Variants in IRAK3 observed in about 807,000 individuals in gnomAD.
IRAK3 encodes the protein interleukin 1 receptor associated kinase 3.
A neutral mutation model predicts 56.6 loss-of-function variants in IRAK3; 57 were observed. That is an observed-to-expected ratio of 1.01 (90% confidence interval 0.81 to 1.26). The LOEUF (loss-of-function observed/expected upper bound fraction) is 1.26, where lower values mean the gene tolerates loss of function less well. Among genes scored for constraint, IRAK3 ranks in the 50% most tolerant of loss-of-function variants. The pLI is 0.00. For missense variants in IRAK3, 703 were observed against 719.0 expected (o/e 0.98, Z 0.25); for synonymous variants, 258 against 255.7 (o/e 1.01, Z -0.09).
rs1302247491 is a variant in IRAK3 at position 66,248,030 on chromosome 12, AT to A, written c.1651del (p.Ser551ProfsTer4). 1 of 1,588,046 alleles carries A rather than the reference AT, an allele frequency of 6.3e-7. No individual in the cohort carries two copies. Among genetic ancestry groups the A allele is most frequent in the African/African-American group, 1.4e-5 (1 of 73,504 alleles). ...ESWFPKYIVP[S>X]QDLRPYKVNI... ...GTTGGTTCCCAAAGTATATAGTTCC[AT>A]CCCAGGACTTAAGGCCCTATAAGGT... is the stretch of plus-strand genomic sequence containing the variant. On this transcript the variant is annotated frameshift_variant, in exon 12 of 12. Transcript: ENST00000261233. LOFTEE classifies it low-confidence loss of function (END_TRUNC).
intron 1 of IRAK3, among the ~76,000 whole-genome samples, chr12:66,195,269 G>A (rs960015866): frequency 6.6e-5 from 10 of 152,206 alleles, no homozygotes; most frequent in Middle Eastern, 3.4e-3. Flanking sequence ...CACTGCCACC[G>A]TAACCATCTT....
rs773418206 is a variant in IRAK3, at chr12:66,244,509, A to G, written c.911A>G (p.Gln304Arg). ...ISSANILLDD[Q>R]FQPKLTDFAM... is the part of the protein sequence containing the mutation. ...AGTGCAAACATCCTTTTGGATGATC[A>G]GTTTCAACCCAAACTAACTGATTTT... is the stretch of plus-strand genomic sequence containing the variant. The change falls in exon 9 of 12, where the codon CAG (glutamine) becomes CGG (arginine). Residue 304 changes from glutamine to arginine, a missense_variant. Transcript: ENST00000261233. 6.2e-7 allele frequency: 1 copy of G among 1,614,134 alleles called. No homozygotes were observed. The highest frequency in any genetic ancestry group is 8.5e-7 in the Non-Finnish European group (1 of 1,179,964).
chr12:66,199,520 C>A (rs1278380824), intron 1 of IRAK3, among the ~76,000 whole-genome samples: 1 of 152,160 alleles, frequency 6.6e-6, no homozygotes, highest in Non-Finnish European at 1.5e-5. Context: ...TCCAATACTT[C>A]TTTAAGAATT....
chr12:66,204,791 C>G (rs1220664300), intron 2 of IRAK3, among the ~76,000 whole-genome samples: 4 of 144,444 alleles, frequency 2.8e-5, no homozygotes, highest in African/African-American at 1.1e-4. Context: ...CACACACACA[C>G]ACACACACAC....
chr12:66,221,307 G>T (rs575187843), intron 6 of IRAK3, among the ~76,000 whole-genome samples: 1 of 152,168 alleles, frequency 6.6e-6, no homozygotes, highest in Non-Finnish European at 1.5e-5. Context: ...TCTGTAGACA[G>T]AGCCACCTTT....
At chr12:66,223,362 A>C (rs980405064) in intron 6 of IRAK3, among the ~76,000 whole-genome samples, 24 of 152,040 alleles carry the variant, frequency 1.6e-4, no homozygotes, top group Non-Finnish European at 3.2e-4. Context: ...TGCCATTAAA[A>C]GTTATCATGG....
rs1308458511 is a variant in IRAK3 at position 66,196,926 on chromosome 12, GT to G, written c.134-6781del. ...AGAATGGAGTCTTAATTTTGCAGGG[GT>G]TTTGGCATGTGGTTGTATGCAAATA... is the stretch of plus-strand genomic sequence containing the variant. On this transcript the variant is annotated intron_variant, in intron 1 of 11. Coordinates refer to ENST00000261233, the MANE Select transcript of IRAK3 (RefSeq NM_007199.3). 5.2e-6 allele frequency: 8 copies of G among 1,534,908 alleles called. No individual in the cohort carries two copies. The South Asian group carries it at 8.4e-5, about 16-fold the overall frequency.
intron 4 of IRAK3, among the ~76,000 whole-genome samples, chr12:66,211,100 TTAG>T (rs1233117333): frequency 6.6e-6 from 1 of 152,230 alleles, no homozygotes; most frequent in Non-Finnish European, 1.5e-5. Flanking sequence ...CCATAATTTT[TTAG>T]TAGTTTTAGG....
chr12:66,209,029 T>A (rs1218754425), intron 2 of IRAK3, among the ~76,000 whole-genome samples: 2 of 146,808 alleles, frequency 1.4e-5, no homozygotes, highest in Non-Finnish European at 3.0e-5. Context: ...GCCGAGATCA[T>A]GCCACTGTAC....
chr12:66,234,573 C>T (rs1770449426), intron 8 of IRAK3: 2 of 1,611,640 alleles, frequency 1.2e-6, no homozygotes, highest in Admixed American at 1.7e-5. Context: ...CATGGTCTTC[C>T]ATTAGGGATG....
chr12:66,190,747 A>G (rs753629162), intron 1 of IRAK3, among the ~76,000 whole-genome samples: 4 of 152,144 alleles, frequency 2.6e-5, no homozygotes, highest in Non-Finnish European at 5.9e-5. Flanking sequence ...ACAGGTCAGG[A>G]AACTGGTACA....
chr12:66,209,070 CAA>C (rs750939808), intron 2 of IRAK3, among the ~76,000 whole-genome samples: 11 of 54,514 alleles, frequency 2.0e-4, no homozygotes, highest in Non-Finnish European at 2.0e-4. Context: ...GAGTCCATCT[CAA>C]AAAAAAAAAA....
intron 8 of IRAK3, among the ~76,000 whole-genome samples, chr12:66,242,737 G>A (rs1212066512): frequency 1.3e-5 from 2 of 152,222 alleles, no homozygotes; most frequent in Non-Finnish European, 2.9e-5. Flanking sequence ...ACCCTTAGCG[G>A]AAGGAGGAGT....
intron 1 of IRAK3, among the ~76,000 whole-genome samples, chr12:66,200,691 T>C (rs530945010): frequency 2.0e-5 from 3 of 152,188 alleles, no homozygotes; most frequent in Admixed American, 2.0e-4. Flanking sequence ...AAATTGGGCA[T>C]GGGGGGGATG....
rs781457099 is a variant in IRAK3, at chr12:66,189,353, C to G, written c.54C>G (p.Phe18Leu). Residue 18 changes from phenylalanine (F) to leucine (L), a missense_variant, in exon 1 of 12, where the codon TTC (phenylalanine) becomes TTG (leucine). By Grantham distance (22) the Phe-to-Leu change is conservative. Transcript: ENST00000261233. ...RGALSAHTLLFDLPPALLGEL... is the reference protein window; with the variant it reads ...RGALSAHTLLLDLPPALLGEL... ...CGCTGTCGGCGCACACGCTGCTGTT[C>G]GACCTGCCGCCCGCGCTGCTCGGAG... is the stretch of plus-strand genomic sequence containing the variant. 1.3e-6 allele frequency: 2 copies of G among 1,531,624 alleles called. No individual in the cohort carries two copies. Among genetic ancestry groups the G allele is most frequent in the Non-Finnish European group, 1.7e-6 (2 of 1,145,308 alleles). The allele number at this position is 1,531,624 out of a possible 1,614,324, so 94.9% of individuals were successfully genotyped here.
intron 8 of IRAK3, among the ~76,000 whole-genome samples, chr12:66,230,100 G>A (rs2052828084): frequency 6.6e-6 from 1 of 152,158 alleles, no homozygotes; most frequent in South Asian, 2.1e-4. Flanking sequence ...GGGCAGGGAG[G>A]GAGGCAGAGG....
chr12:66,242,424 T>C (rs2052979619), intron 8 of IRAK3, among the ~76,000 whole-genome samples: 1 of 152,210 alleles, frequency 6.6e-6, no homozygotes, highest in Admixed American at 6.5e-5. Flanking sequence ...AAGTCGGATC[T>C]GACTCTAGTC....
At chr12:66,243,705 C>T (rs3782348) in intron 8 of IRAK3, among the ~76,000 whole-genome samples, 13,870 of 152,156 alleles carry the variant, frequency 0.091, 1,091 homozygotes, top group East Asian at 0.38. Context: ...CTGAGGCTTA[C>T]ATGGCGAAGG....
chr12:66,241,323 T>C (rs2052967471), intron 8 of IRAK3, among the ~76,000 whole-genome samples: 1 of 152,194 alleles, frequency 6.6e-6, no homozygotes, highest in Non-Finnish European at 1.5e-5. Context: ...ACCATGGATA[T>C]GGGTCAAAGA....
Sources: allele counts gnomAD v4.1 joint callset (sites outside exome capture counted in the v4.1 genomes callset), GRCh38; gene constraint gnomAD v4.1.1; transcripts MANE v1.5; gene names NCBI Gene and HGNC (gene_info 2026-07-23, HGNC 2026-07-21).